Variants in APH1B observed in about 807,000 individuals in gnomAD.
The protein encoded by APH1B is gamma-secretase subunit APH-1B.
In APH1B, 27 loss-of-function variants were observed where a neutral mutation model predicts 28.2. That is an observed-to-expected ratio of 0.96 (90% CI 0.70 to 1.32). The LOEUF is 1.32. Ranked by LOEUF, APH1B falls within the 40% of genes most tolerant of loss-of-function variation. APH1B has a pLI of 0.00. For synonymous variants in APH1B, 141 were observed against 124.6 expected (o/e 1.13, Z -0.88); for missense variants, 305 against 313.6 (o/e 0.97, Z 0.21).
intron 2 of APH1B, among the ~76,000 whole-genome samples, chr15:63,279,942 T>C (rs368178137): frequency 1.4e-4 from 21 of 152,018 alleles, no homozygotes; most frequent in Admixed American, 4.6e-4. Flanking sequence ...GGATTACAGG[T>C]GTGCACCACC....
rs141797032 is a variant in APH1B, at chr15:63,300,372, C to T, written c.479-1973C>T. Among the ~76,000 whole-genome samples, 610 of 152,284 alleles carry T rather than the reference C, an allele frequency of 4.0e-3. 6 individuals carry two copies. Among genetic ancestry groups the T allele is most frequent in the African/African-American group, 0.014 (584 of 41,542 alleles). ...CAAACAGATGACACCTTAATGGTGT[C>T]ATTGCTTTCTCTTGACATTTGATTG... is the stretch of plus-strand genomic sequence containing the variant. On this transcript the variant is annotated intron_variant, in intron 4 of 5. Coordinates refer to ENST00000261879, the MANE Select transcript of APH1B (RefSeq NM_031301.4).
chr15:63,303,187 A>T (rs2038650819), intron 5 of APH1B, among the ~76,000 whole-genome samples: 1 of 152,220 alleles, frequency 6.6e-6, no homozygotes, highest in Non-Finnish European at 1.5e-5. Flanking sequence ...TCACAGTGTG[A>T]ACACACCTGT....
intron 1 of APH1B, 94 bp from the exon 2 acceptor site, chr15:63,279,067 C>A: frequency 9.8e-7 from 1 of 1,020,120 alleles, no homozygotes; most frequent in Non-Finnish European, 1.3e-6. Context: ...GAAATCTCTT[C>A]CTTCTCAAGC....
At chr15:63,294,175 T>A (rs2038538917) in intron 4 of APH1B, among the ~76,000 whole-genome samples, 1 of 152,190 alleles carries the variant, frequency 6.6e-6, no homozygotes, top group African/African-American at 2.4e-5. Context: ...TAGATATGAT[T>A]GCATGAGACA....
At chr15:63,284,952 A>G (rs1298797654) in intron 2 of APH1B, among the ~76,000 whole-genome samples, 2 of 152,208 alleles carry the variant, frequency 1.3e-5, no homozygotes, top group African/African-American at 4.8e-5. Flanking sequence ...GATTTTTACT[A>G]TATATGTGTC....
At chr15:63,299,649 C>T (rs1396218344) in intron 4 of APH1B, among the ~76,000 whole-genome samples, 4 of 152,056 alleles carry the variant, frequency 2.6e-5, no homozygotes, top group African/African-American at 7.3e-5. Context: ...CGTGATACTC[C>T]TGCCTCGGCC....
chr15:63,285,854 GA>G (rs1197728718), intron 2 of APH1B, among the ~76,000 whole-genome samples: 1 of 152,160 alleles, frequency 6.6e-6, no homozygotes, highest in African/African-American at 2.4e-5. Context: ...AAGATACAAC[GA>G]AAGTATCAGA....
chr15:63,279,019 A>G (rs1166084916), intron 1 of APH1B, 142 bp from the exon 2 acceptor site: 3 of 630,992 alleles, frequency 4.8e-6, no homozygotes, highest in Non-Finnish European at 7.4e-6. Context: ...TCAGAGTATC[A>G]CTTTATGAGG....
chr15:63,303,706 T>G (rs999575664), intron 5 of APH1B, among the ~76,000 whole-genome samples: 15 of 152,132 alleles, frequency 9.9e-5, no homozygotes, highest in African/African-American at 1.4e-4. Flanking sequence ...TTGCTCCGGC[T>G]GGCTTCGAAC....
rs2038710486 is a variant in APH1B at position 63,308,552 on chromosome 15, C to T, written c.*2771C>T. ...TTTGTGGAGAGTGGCAGATTCACACCAGAAACACTAGGTGTTCATATCCAT... is the reference window on the plus strand; with the variant it reads ...TTTGTGGAGAGTGGCAGATTCACACTAGAAACACTAGGTGTTCATATCCAT... On this transcript the variant is annotated 3_prime_UTR_variant, in exon 6 of 6. Transcript: ENST00000261879. 6.6e-6 allele frequency: 1 copy of T among 152,216 alleles called. No homozygotes were observed. Among genetic ancestry groups the T allele is most frequent in the African/African-American group, 2.4e-5 (1 of 41,458 alleles). The allele number at this position is 152,216 out of a possible 1,614,324, so 9.4% of individuals were successfully genotyped here.
chr15:63,288,735 C>T (rs184280093), intron 4 of APH1B, among the ~76,000 whole-genome samples: 1 of 152,300 alleles, frequency 6.6e-6, no homozygotes, highest in African/African-American at 2.4e-5. Context: ...TTCTTTTGAA[C>T]ATTTCATCAT....
Position 63,302,791 on chromosome 15 carries a change from A to G in APH1B, c.606+319A>G, listed in dbSNP as rs2038646497. Among the ~76,000 whole-genome samples, 3 of 152,202 alleles carry G rather than the reference A, an allele frequency of 2.0e-5. No individual in the cohort carries two copies. The South Asian group carries it at 6.2e-4, about 31-fold the overall frequency. On this transcript the variant is annotated intron_variant, in intron 5 of 5. Transcript: ENST00000261879. ...AAAAGTTGCGTATTCCAGACTCGGC[A>G]CCATGACTGGACCTTATTCCTAGCT...
chr15:63,303,879 A>ACACACT (rs1175091532), intron 5 of APH1B, among the ~76,000 whole-genome samples: 1 of 104,400 alleles, frequency 9.6e-6, no homozygotes, highest in Non-Finnish European at 2.1e-5. Context: ...CACACAACAC[A>ACACACT]CACACACACA....
At chr15:63,279,455 G>T in intron 2 of APH1B, 124 bp downstream of exon 2, 2 of 788,298 alleles carry the variant, frequency 2.5e-6, no homozygotes, top group East Asian at 3.0e-5. Flanking sequence ...CCAAGAGATT[G>T]GTACATTTCC....
chr15:63,279,501 A>C (rs2038362711), intron 2 of APH1B, among the ~76,000 whole-genome samples, 170 bp downstream of exon 2: 1 of 152,172 alleles, frequency 6.6e-6, no homozygotes, highest in South Asian at 2.1e-4. Flanking sequence ...TATCTTGTGG[A>C]AATTTCTTAT....
chr15:63,283,252 A>G (rs1227006984), intron 2 of APH1B, among the ~76,000 whole-genome samples: 1 of 152,242 alleles, frequency 6.6e-6, no homozygotes, highest in Non-Finnish European at 1.5e-5. Context: ...ACTGATTGAC[A>G]CAGTCTCGCT....
In APH1B at chr15:63,293,351, A is replaced by T. The variant is rs367570560; in HGVS notation, c.478+5805A>T. 4.3e-4 allele frequency among the ~76,000 whole-genome samples: 65 copies of T among 151,788 alleles called. 1 individual carries two copies. The South Asian group carries it at 0.012, about 28-fold the overall frequency. Reference sequence around the variant, plus strand: ...GGCTAATTTTTTGTATTTTTAGTAGAGATGGGGGTTTCACCATGTAGGCCA... The same window carrying T: ...GGCTAATTTTTTGTATTTTTAGTAGTGATGGGGGTTTCACCATGTAGGCCA... On this transcript the variant is annotated intron_variant, in intron 4 of 5. Transcript: ENST00000261879.
At chr15:63,280,302 GAAACACAGCT>G (rs2038371688) in intron 2 of APH1B, among the ~76,000 whole-genome samples, 1 of 152,190 alleles carries the variant, frequency 6.6e-6, no homozygotes, top group Non-Finnish European at 1.5e-5. Context: ...CCACTGATTT[GAAACACAGCT>G]GGAACTTGGA....
intron 4 of APH1B, among the ~76,000 whole-genome samples, chr15:63,294,965 A>AGG (rs1252290654): frequency 1.3e-5 from 2 of 152,194 alleles, no homozygotes; most frequent in Non-Finnish European, 2.9e-5. Flanking sequence ...CATCTCAGTT[A>AGG]ATGGAATTCC....
Sources: gnomAD v4.1 joint callset for allele counts (sites outside exome capture counted in the v4.1 genomes callset) on GRCh38, gnomAD v4.1.1 for gene constraint, MANE v1.5 for transcripts, NCBI Gene and HGNC (gene_info 2026-07-23, HGNC 2026-07-21) for gene names.